The following AP1AR variants were observed in gnomAD, a reference collection of about 807,000 sequenced individuals.
The protein encoded by AP1AR is adaptor related protein complex 1 associated regulatory protein.
Under a neutral mutation model 46.3 loss-of-function variants are expected in AP1AR, and 29 were observed. The observed-to-expected ratio is 0.63, with a 90% CI of 0.47 to 0.85. AP1AR has a LOEUF of 0.85. AP1AR is among the 40% of genes least tolerant of loss of function. The pLI is 0.00. For missense variants in AP1AR, 357 were observed against 356.3 expected, an observed-to-expected ratio of 1.00 and a Z score of -0.02; for synonymous variants, 122 against 122.9, an observed-to-expected ratio of 0.99 and a Z score of 0.05.
Position 112,272,360 on chromosome 4 carries a change from G to C in AP1AR, c.*3951G>C, listed in dbSNP as rs1726988800. Among the ~76,000 whole-genome samples, 1 of 152,152 alleles carries C rather than the reference G, an allele frequency of 6.6e-6. No homozygotes were observed. The highest frequency in any genetic ancestry group is 1.5e-5 in the Non-Finnish European group (1 of 68,030). ...CCCAATAAGAATTTAAGATGGCAGA[G>C]TTTGGCCTTCCTCTGGGGGCATGAC... On this transcript the variant is annotated 3_prime_UTR_variant, in exon 10 of 10. Transcript: ENST00000274000.
chr4:112,245,868 A>G (rs891993380), intron 1 of AP1AR, among the ~76,000 whole-genome samples: 1 of 152,148 alleles, frequency 6.6e-6, no homozygotes, highest in Non-Finnish European at 1.5e-5. Flanking sequence ...AAATGTTCTT[A>G]TTATTCTCTA....
intron 1 of AP1AR, among the ~76,000 whole-genome samples, chr4:112,237,358 G>A (rs566011554): frequency 2.0e-5 from 3 of 152,032 alleles, no homozygotes; most frequent in South Asian, 2.1e-4. Context: ...CCCCCGTCTC[G>A]GCCTCCTAAA....
At chr4:112,264,117 T>C (rs1186364172) in intron 6 of AP1AR, among the ~76,000 whole-genome samples, 2 of 152,202 alleles carry the variant, frequency 1.3e-5, no homozygotes, top group Non-Finnish European at 2.9e-5. Context: ...GCAGATTATA[T>C]GAAGGAATAT....
intron 8 of AP1AR, 113 bp downstream of exon 8, chr4:112,265,920 G>C (rs767798255): frequency 2.6e-5 from 17 of 649,120 alleles, no homozygotes; most frequent in Non-Finnish European, 3.8e-5. Context: ...GTAATTCCCA[G>C]ATAGGTCAAT....
At chr4:112,237,862 A>G (rs548697644) in intron 1 of AP1AR, among the ~76,000 whole-genome samples, 5 of 152,298 alleles carry the variant, frequency 3.3e-5, no homozygotes, top group South Asian at 2.1e-4. Context: ...CCCTGAAACC[A>G]TATTATCTCC....
At chr4:112,236,693 G>A (rs907197276) in intron 1 of AP1AR, among the ~76,000 whole-genome samples, 6 of 152,126 alleles carry the variant, frequency 3.9e-5, no homozygotes, top group Non-Finnish European at 7.4e-5. Flanking sequence ...GAGCCACTGC[G>A]CCCGGCCCTA....
At position 112,231,990 on chromosome 4, in the gene AP1AR, G is replaced by A. The variant is rs1160690675; in HGVS notation, c.-102G>A. 2 of 1,145,376 alleles carry A rather than the reference G, an allele frequency of 1.7e-6. No homozygotes were observed. The highest frequency in any genetic ancestry group is 2.3e-6 in the Non-Finnish European group (2 of 881,080). 71.0% of individuals were successfully genotyped at this position (1,145,376 alleles called of 1,614,324 possible). ...TCTGGCCGGCCCGCCCTCGGTCCTT[G>A]AACCCCATTTCGGCTCGTGCCGTGC... On this transcript the variant is annotated 5_prime_UTR_variant, in exon 1 of 10. Transcript: ENST00000274000.
chr4:112,267,565 A>C (rs1726760246), intron 9 of AP1AR, among the ~76,000 whole-genome samples: 1 of 151,846 alleles, frequency 6.6e-6, no homozygotes, highest in Non-Finnish European at 1.5e-5. Context: ...TTGCTTCACC[A>C]CTTTTTAGCT....
intron 1 of AP1AR, among the ~76,000 whole-genome samples, chr4:112,234,019 C>T (rs1352567840): frequency 6.6e-6 from 1 of 152,174 alleles, no homozygotes; most frequent in Non-Finnish European, 1.5e-5. Context: ...CCACCATGCC[C>T]GGCTAATTTT....
At chr4:112,250,375 C>T (rs1213398851) in intron 1 of AP1AR, among the ~76,000 whole-genome samples, 2 of 152,156 alleles carry the variant, frequency 1.3e-5, no homozygotes, top group Non-Finnish European at 2.9e-5. Context: ...TCCTTTCAAA[C>T]CATTAGGACG....
intron 9 of AP1AR, 104 bp from the exon 10 acceptor site, chr4:112,268,040 C>T (rs1726779669): frequency 5.8e-6 from 7 of 1,199,314 alleles, no homozygotes; most frequent in Non-Finnish European, 7.9e-6. Context: ...ATTCACACAT[C>T]AAGTCTGATA....
At chr4:112,232,911 T>G (rs757905951) in intron 1 of AP1AR, among the ~76,000 whole-genome samples, 6 of 152,246 alleles carry the variant, frequency 3.9e-5, no homozygotes, top group Non-Finnish European at 8.8e-5. Flanking sequence ...TGCTTAGGTT[T>G]TGTATATGCA....
Position 112,232,193 on chromosome 4 carries a change from G to GGGCCCGGCCCCCGTGGCTCCTCCTCTTC in AP1AR, c.83+25_83+52dup, listed in dbSNP as rs1725037292. The GGGCCCGGCCCCCGTGGCTCCTCCTCTTC allele has an allele frequency of 7.9e-7, 1 of 1,266,708 alleles. No individual in the cohort carries two copies. The highest frequency in any genetic ancestry group is 1.5e-5 in the African/African-American group (1 of 64,568). The allele number at this position is 1,266,708 out of a possible 1,614,324, so 78.5% of individuals were successfully genotyped here. ...GCGGAGGGTAAGCCCGCTGGGGGAGGGGCCCGGCCCCCGTGGCTCCTCCTC... is the reference window on the plus strand; with the variant it reads ...GCGGAGGGTAAGCCCGCTGGGGGAGGGGCCCGGCCCCCGTGGCTCCTCCTCTTCGGCCCGGCCCCCGTGGCTCCTCCTC... On this transcript the variant is annotated intron_variant, in intron 1 of 9. Coordinates refer to ENST00000274000, the MANE Select transcript of AP1AR (RefSeq NM_018569.6).
Position 112,268,566 on chromosome 4 carries a change from C to A in AP1AR, c.*157C>A. 1 of 675,006 alleles carries A rather than the reference C, an allele frequency of 1.5e-6. No individual in the cohort carries two copies. The highest frequency in any genetic ancestry group is 2.2e-6 in the Non-Finnish European group (1 of 448,176). The allele number at this position is 675,006 out of a possible 1,614,324, so 41.8% of individuals were successfully genotyped here. ...TACAAAGGAGTAGGGATGATAGGAT[C>A]TGAATTGATACAGAATTAAGTGCAA... On this transcript the variant is annotated 3_prime_UTR_variant, in exon 10 of 10. Coordinates refer to ENST00000274000, the MANE Select transcript of AP1AR (RefSeq NM_018569.6).
intron 3 of AP1AR, among the ~76,000 whole-genome samples, chr4:112,255,268 T>A (rs1726138208): frequency 8.8e-6 from 1 of 113,760 alleles, no homozygotes; most frequent in South Asian, 2.4e-4. Flanking sequence ...CAATTCCGAA[T>A]TTTTTTACTA....
intron 1 of AP1AR, among the ~76,000 whole-genome samples, chr4:112,235,401 C>T (rs1368509402): frequency 1.3e-5 from 2 of 152,124 alleles, no homozygotes; most frequent in African/African-American, 4.8e-5. Flanking sequence ...ATTTTGTATC[C>T]TCATCAATAT....
intron 5 of AP1AR, among the ~76,000 whole-genome samples, chr4:112,262,771 T>C (rs549697927): frequency 6.6e-6 from 1 of 152,390 alleles, no homozygotes; most frequent in East Asian, 1.9e-4. Context: ...CATAACTCAG[T>C]TTCTAAGGAA....
chr4:112,266,746 A>C, intron 9 of AP1AR, 30 bp downstream of exon 9: 2 of 1,578,260 alleles, frequency 1.3e-6, no homozygotes, highest in Non-Finnish European at 1.7e-6. Context: ...TTTACCTGAA[A>C]AATTTAACGT....
At chr4:112,250,927 T>C (rs751914347) in intron 1 of AP1AR, among the ~76,000 whole-genome samples, 2 of 152,200 alleles carry the variant, frequency 1.3e-5, no homozygotes, top group Non-Finnish European at 2.9e-5. Flanking sequence ...CAGGACTTTG[T>C]GGGGGACAGA....
Sources: allele counts gnomAD v4.1 joint callset (sites outside exome capture counted in the v4.1 genomes callset), GRCh38; gene constraint gnomAD v4.1.1; transcripts MANE v1.5; gene names NCBI Gene and HGNC (gene_info 2026-07-23, HGNC 2026-07-21).